The following KCTD8 variants were observed in gnomAD, a reference collection of about 807,000 sequenced individuals.
The protein encoded by KCTD8 is BTB/POZ domain-containing protein KCTD8.
Under a neutral mutation model 31.5 loss-of-function variants are expected in KCTD8, and 27 were observed. That is an observed-to-expected ratio of 0.86 (90% CI 0.63 to 1.18). KCTD8 has a LOEUF of 1.18. KCTD8 is among the 50% of genes most tolerant of loss of function. The pLI is 0.00. For missense variants in KCTD8, 658 were observed against 647.7 expected, an observed-to-expected ratio of 1.02 and a Z score of -0.17; for synonymous variants, 290 against 280.0, an observed-to-expected ratio of 1.04 and a Z score of -0.36.
chr4:44,400,436 A>G lies in KCTD8; in HGVS notation c.961+47127T>C, dbSNP rs74354769. 1.7e-3 allele frequency among the ~76,000 whole-genome samples: 256 copies of G among 152,158 alleles called. 1 individual carries two copies. The highest frequency in any genetic ancestry group is 3.1e-3 in the Admixed American group (48 of 15,278). On this transcript the variant is annotated intron_variant, in intron 1 of 1. Transcript: ENST00000360029. Reference sequence around the variant, plus strand: ...GAGAAAAAAAAAAATAAAGATAAATAGACATAAAAACCAGCCAGGCACGAT... The same window carrying G: ...GAGAAAAAAAAAAATAAAGATAAATGGACATAAAAACCAGCCAGGCACGAT...
At chr4:44,308,559 G>A (rs1717868668) in intron 1 of KCTD8, among the ~76,000 whole-genome samples, 2 of 148,396 alleles carry the variant, frequency 1.3e-5, no homozygotes, top group Non-Finnish European at 3.0e-5. Flanking sequence ...TTTATTGTCT[G>A]TATTTGTTTG....
chr4:44,367,784 C>G (rs1278869969), intron 1 of KCTD8, among the ~76,000 whole-genome samples: 1 of 151,052 alleles, frequency 6.6e-6, no homozygotes, highest in Non-Finnish European at 1.5e-5. Context: ...GCAAATGACA[C>G]TACAGAAACC....
At chr4:44,204,632 C>T (rs181228278) in intron 1 of KCTD8, among the ~76,000 whole-genome samples, 122 of 152,214 alleles carry the variant, frequency 8.0e-4, no homozygotes, top group African/African-American at 2.5e-3. Flanking sequence ...TGATGCTCCT[C>T]GCCAAATAAA....
intron 1 of KCTD8, among the ~76,000 whole-genome samples, chr4:44,321,193 C>T (rs992914255): frequency 8.5e-5 from 13 of 152,156 alleles, no homozygotes; most frequent in South Asian, 2.1e-4. Flanking sequence ...CTTACTTCCT[C>T]GTGTCTTAAA....
chr4:44,362,105 T>C (rs760259922), intron 1 of KCTD8, among the ~76,000 whole-genome samples: 1 of 152,032 alleles, frequency 6.6e-6, no homozygotes, highest in Non-Finnish European at 1.5e-5. Flanking sequence ...AGCAGAAATA[T>C]AAATAGAGGT....
intron 1 of KCTD8, among the ~76,000 whole-genome samples, chr4:44,385,740 A>C (rs1254171907): frequency 6.6e-6 from 1 of 151,652 alleles, no homozygotes; most frequent in Non-Finnish European, 1.5e-5. Flanking sequence ...TGTGTATCAC[A>C]TGATAAAATA....
chr4:44,320,680 G>A (rs1485515243), intron 1 of KCTD8, among the ~76,000 whole-genome samples: 1 of 151,992 alleles, frequency 6.6e-6, no homozygotes, highest in Non-Finnish European at 1.5e-5. Flanking sequence ...TTGAAAGACT[G>A]GGATGCACAA....
At chr4:44,313,261 AGC>A (rs1718006870) in intron 1 of KCTD8, among the ~76,000 whole-genome samples, 1 of 152,180 alleles carries the variant, frequency 6.6e-6, no homozygotes, top group African/African-American at 2.4e-5. Context: ...ATGCAGGGTG[AGC>A]GCCACTACCT....
At chr4:44,307,534 T>A (rs1717838290) in intron 1 of KCTD8, among the ~76,000 whole-genome samples, 1 of 152,002 alleles carries the variant, frequency 6.6e-6, no homozygotes, top group Admixed American at 6.6e-5. Flanking sequence ...TATAAATATA[T>A]TTACTGAAGT....
chr4:44,188,713 G>A (rs1044791724), intron 1 of KCTD8, among the ~76,000 whole-genome samples: 1 of 152,206 alleles, frequency 6.6e-6, no homozygotes, highest in Non-Finnish European at 1.5e-5. Flanking sequence ...GGTAGTGAGA[G>A]ATCTGATACT....
chr4:44,377,992 T>C (rs571846053), intron 1 of KCTD8, among the ~76,000 whole-genome samples: 86 of 152,032 alleles, frequency 5.7e-4, no homozygotes, highest in African/African-American at 2.0e-3. Flanking sequence ...CTTTCCTCCA[T>C]AGACTGTGAA....
intron 1 of KCTD8, among the ~76,000 whole-genome samples, chr4:44,265,468 C>T (rs1261265417): frequency 1.3e-5 from 2 of 152,112 alleles, no homozygotes; most frequent in African/African-American, 4.8e-5. Context: ...AAACCGGAAA[C>T]TCTAAAAAGC....
intron 1 of KCTD8, among the ~76,000 whole-genome samples, chr4:44,368,032 C>T (rs1719687540): frequency 6.6e-6 from 1 of 152,110 alleles, no homozygotes; most frequent in South Asian, 2.1e-4. Flanking sequence ...TTTCAGACAA[C>T]ATATAGAACT....
At chr4:44,338,893 C>T (rs1230686024) in intron 1 of KCTD8, among the ~76,000 whole-genome samples, 1 of 152,018 alleles carries the variant, frequency 6.6e-6, no homozygotes, top group Admixed American at 6.6e-5. Context: ...CTTCATAAGT[C>T]CCTTATAGAC....
At chr4:44,378,347 T>G (rs1245752524) in intron 1 of KCTD8, among the ~76,000 whole-genome samples, 1 of 150,730 alleles carries the variant, frequency 6.6e-6, no homozygotes, top group African/African-American at 2.4e-5. Context: ...TGTTATGAGA[T>G]ATACCTAATG....
In KCTD8 at chr4:44,268,144, A is replaced by G. The variant is rs1335573316; in HGVS notation, c.962-92894T>C. ...ATGAACATTGATGCAAAAATCCTCA[A>G]TAAAATACTGGCAAACCGAATCCAG... is the stretch of plus-strand genomic sequence containing the variant. On this transcript the variant is annotated intron_variant, in intron 1 of 1. Coordinates refer to ENST00000360029, the MANE Select transcript of KCTD8 (RefSeq NM_198353.3). Among the ~76,000 whole-genome samples, 48 of 152,242 alleles carry G rather than the reference A, an allele frequency of 3.2e-4. 1 individual carries two copies. Among genetic ancestry groups the G allele is most frequent in the Admixed American group, 3.1e-3 (48 of 15,282 alleles).
intron 1 of KCTD8, among the ~76,000 whole-genome samples, chr4:44,210,773 C>A (rs1196602088): frequency 6.6e-6 from 1 of 152,136 alleles, no homozygotes; most frequent in African/African-American, 2.4e-5. Flanking sequence ...TGCCTGGAAG[C>A]TAGGGCCTGG....
In KCTD8 at chr4:44,309,977, T is replaced by C. The variant is rs375607059; in HGVS notation, c.962-134727A>G. On this transcript the variant is annotated intron_variant, in intron 1 of 1. Coordinates refer to ENST00000360029, the MANE Select transcript of KCTD8 (RefSeq NM_198353.3). ...ATGTCGTCATAGGATCTATATCATT[T>C]TCAAATACCTAAGTCCTTGGAGAGA... Among the ~76,000 whole-genome samples, 7 of 152,126 alleles carry C rather than the reference T, an allele frequency of 4.6e-5. No individual in the cohort carries two copies. In the East Asian group the frequency reaches 1.3e-3, roughly 29 times the overall value.
chr4:44,192,447 A>G (rs1462370172), intron 1 of KCTD8, among the ~76,000 whole-genome samples: 2 of 150,822 alleles, frequency 1.3e-5, no homozygotes, highest in African/African-American at 2.4e-5. Context: ...TATCTCAAAC[A>G]GTGGATGGGG....
Sources: gnomAD v4.1 joint callset for allele counts (sites outside exome capture counted in the v4.1 genomes callset) on GRCh38, gnomAD v4.1.1 for gene constraint, MANE v1.5 for transcripts, NCBI Gene and HGNC (gene_info 2026-07-23, HGNC 2026-07-21) for gene names.